GOLGA1: variants seen among roughly 807,000 people sequenced by gnomAD.
GOLGA1 encodes golgin A1.
GOLGA1 carries 63 observed loss-of-function variants against 119.7 expected under a neutral mutation model. That is an observed-to-expected ratio of 0.53 (90% CI 0.43 to 0.65). The LOEUF (loss-of-function observed/expected upper bound fraction) is 0.65, where lower values mean the gene tolerates loss of function less well. GOLGA1 is among the 30% of genes least tolerant of loss of function. The pLI, the probability that GOLGA1 is intolerant of heterozygous loss-of-function variation, is 0.00. For synonymous variants in GOLGA1, 318 were observed against 333.4 expected (o/e 0.95, Z 0.50); for missense variants, 798 against 912.8 (o/e 0.87, Z 1.62).
chr9:124,889,578 G>A (rs776272901), intron 16 of GOLGA1, 42 bp from the exon 17 acceptor site: 2 of 1,252,128 alleles, frequency 1.6e-6, no homozygotes, highest in Non-Finnish European at 2.4e-6. Context: ...TGTGAGCAGT[G>A]ACTCCATCTT....
At chr9:124,914,174 A>G (rs559688951) in intron 10 of GOLGA1, among the ~76,000 whole-genome samples, 3 of 152,244 alleles carry the variant, frequency 2.0e-5, no homozygotes, top group Non-Finnish European at 4.4e-5. Flanking sequence ...AGAAGCAGCT[A>G]TAACAAGATT....
rs773908967 is a variant in GOLGA1 at position 124,921,123 on chromosome 9, A to T, written c.843+6T>A. ...AATCCAGGTCTTCTCCTCATATTCT[A>T]CTTACCTTTTGCAAATCAATGGAAA... On this transcript the variant is annotated splice_donor_region_variant and intron_variant, in intron 10 of 22. Transcript: ENST00000373555. 5 of 1,511,384 alleles carry T rather than the reference A, an allele frequency of 3.3e-6. No homozygotes were observed. In the South Asian group the frequency reaches 5.6e-5, roughly 17 times the overall value. 93.6% of individuals were successfully genotyped at this position (1,511,384 alleles called of 1,614,324 possible). A position where few individuals can be genotyped will look rare whatever the true frequency, so the allele number is the denominator to read the frequency against.
chr9:124,904,094 A>T (rs1315833863), intron 12 of GOLGA1, among the ~76,000 whole-genome samples: 1 of 94,844 alleles, frequency 1.1e-5, no homozygotes, highest in African/African-American at 3.2e-5. Flanking sequence ...AAATTCTGTT[A>T]AAAAAAAAAA....
chr9:124,933,150 C>G (rs1238971687), intron 3 of GOLGA1, among the ~76,000 whole-genome samples: 3 of 152,160 alleles, frequency 2.0e-5, no homozygotes, highest in Non-Finnish European at 2.9e-5. Flanking sequence ...ACAGCAGCAG[C>G]AGCAACAGAA....
chr9:124,882,057 G>T, intron 20 of GOLGA1, 103 bp from the exon 21 acceptor site: 2 of 815,262 alleles, frequency 2.5e-6, no homozygotes, highest in Non-Finnish European at 3.9e-6. Flanking sequence ...CTATCGTAGG[G>T]CAAAAAGGGC....
At chr9:124,941,197 G>A (rs1385155282), upstream of GOLGA1, 1 of 152,270 alleles carries the variant, frequency 6.6e-6, no homozygotes, top group Non-Finnish European at 1.5e-5. Context: ...TCTGAGCGGC[G>A]ACTGGGCCGG....
rs557365047 is a variant in GOLGA1, at chr9:124,888,576, C to T, written c.1762-180G>A. Among the ~76,000 whole-genome samples, 100 of 152,324 alleles carry T rather than the reference C, an allele frequency of 6.6e-4. No individual in the cohort carries two copies. Among genetic ancestry groups the T allele is most frequent in the African/African-American group, 2.3e-3 (95 of 41,566 alleles). ...TGCCCAATGCCCACAACTAATCACA[C>T]GACTAGTCTTTGCTGGGATGAAGGG... On this transcript the variant is annotated intron_variant, in intron 18 of 22. Transcript: ENST00000373555. The surrounding 1 kb of genome is among the most constrained non-coding windows in gnomAD (Gnocchi z 4.4).
intron 5 of GOLGA1, 80 bp downstream of exon 5, chr9:124,929,136 C>A (rs777394071): frequency 1.2e-6 from 1 of 807,418 alleles, no homozygotes; most frequent in Non-Finnish European, 2.1e-6. Context: ...TGAAGAAGGA[C>A]AAACTTAACC....
At chr9:124,915,216 GT>G (rs1206301511) in intron 10 of GOLGA1, among the ~76,000 whole-genome samples, 4 of 152,134 alleles carry the variant, frequency 2.6e-5, no homozygotes, top group African/African-American at 9.7e-5. Context: ...GACTCCAGCT[GT>G]ACGGTCTTGA....
chr9:124,923,809 T>C (rs1830617113), intron 7 of GOLGA1, among the ~76,000 whole-genome samples: 2 of 152,270 alleles, frequency 1.3e-5, no homozygotes, highest in South Asian at 4.1e-4. Flanking sequence ...AGTTCTTACA[T>C]CTGTTTAGCA....
chr9:124,881,735 C>G lies in GOLGA1; in HGVS notation c.2136+49G>C, dbSNP rs1317827664. ...TGGGCAGGGGTCCCTGCAGGACAGA[C>G]TGTAGGGCGGGGCCTCAATACCCAA... On this transcript the variant is annotated intron_variant, in intron 21 of 22. Coordinates refer to ENST00000373555, the MANE Select transcript of GOLGA1 (RefSeq NM_002077.4). The surrounding 1 kb of genome is among the most constrained non-coding windows in gnomAD (Gnocchi z 4.9). 4 of 1,327,816 alleles carry G rather than the reference C, an allele frequency of 3.0e-6. No individual in the cohort carries two copies. Among genetic ancestry groups the G allele is most frequent in the South Asian group, 2.6e-5 (2 of 76,964 alleles). 82.3% of individuals were successfully genotyped at this position (1,327,816 alleles called of 1,614,324 possible). A position where few individuals can be genotyped will look rare whatever the true frequency, so the allele number is the denominator to read the frequency against.
chr9:124,916,162 AAAGT>A (rs1246929044), intron 10 of GOLGA1, among the ~76,000 whole-genome samples: 1 of 151,372 alleles, frequency 6.6e-6, no homozygotes, highest in East Asian at 1.9e-4. Context: ...TAAAAAAAAA[AAAGT>A]AAGGTGAATT....
intron 11 of GOLGA1, among the ~76,000 whole-genome samples, chr9:124,909,608 C>CAAAAAAAAAAAAAAAAA (rs58372596): frequency 1.1e-5 from 1 of 87,286 alleles, no homozygotes; most frequent in Non-Finnish European, 2.3e-5. Context: ...GACTCCGTCT[C>CAAAAAAAAAAAAAAAAA]AAAAAAAAAA....
intron 8 of GOLGA1, 74 bp downstream of exon 8, chr9:124,923,021 G>C: frequency 1.1e-6 from 1 of 925,588 alleles, no homozygotes; most frequent in Non-Finnish European, 1.7e-6. Context: ...TCAGCAATTA[G>C]AGAGTGATGA....
intron 11 of GOLGA1, among the ~76,000 whole-genome samples, chr9:124,910,054 G>A (rs568497574): frequency 4.4e-4 from 67 of 152,204 alleles, no homozygotes; most frequent in African/African-American, 1.4e-3. Flanking sequence ...CTCAGCCTCC[G>A]GAGTAGCTTG....
At chr9:124,912,821 C>A (rs575630593) in intron 10 of GOLGA1, among the ~76,000 whole-genome samples, 46 of 152,184 alleles carry the variant, frequency 3.0e-4, no homozygotes, top group African/African-American at 9.7e-4. Flanking sequence ...GGATTACAGG[C>A]GTAAGCCACT....
intron 5 of GOLGA1, among the ~76,000 whole-genome samples, chr9:124,928,490 T>C (rs924123521): frequency 6.6e-6 from 1 of 152,208 alleles, no homozygotes; most frequent in Admixed American, 6.5e-5. Flanking sequence ...TTTGTTTCCT[T>C]ATCGTTTTTG....
At chr9:124,941,400 C>T (rs1359172667), upstream of GOLGA1, among the ~76,000 whole-genome samples, 2 of 152,196 alleles carry the variant, frequency 1.3e-5, no homozygotes, top group South Asian at 4.1e-4. Context: ...CCAGTCGGTG[C>T]CACAGGCCCC....
At position 124,928,248 on chromosome 9, in the gene GOLGA1, G is replaced by C; in HGVS notation, c.339C>G (p.Phe113Leu). The change falls in exon 6 of 23, where the codon TTC becomes TTG. Residue 113 changes from phenylalanine to leucine, a missense_variant. Phe to Leu is a conservative substitution (Grantham distance 22). Coordinates refer to ENST00000373555, the MANE Select transcript of GOLGA1 (RefSeq NM_002077.4). ...CTGCCATTTTGGCTCTGTTGGCTTG[G>C]AATGTCTCATTCTGCTCTTGAAATT... ...MRKFQEQNETFQANRAKMAEG... is the reference protein window; with the variant it reads ...MRKFQEQNETLQANRAKMAEG... The C allele has an allele frequency of 2.5e-6, 4 of 1,607,784 alleles. No homozygotes were observed. Among genetic ancestry groups the C allele is most frequent in the Non-Finnish European group, 1.7e-6 (2 of 1,174,940 alleles).
Sources: allele counts gnomAD v4.1 joint callset (sites outside exome capture counted in the v4.1 genomes callset), GRCh38; gene constraint gnomAD v4.1.1; non-coding constraint Gnocchi (gnomAD v3.1); transcripts MANE v1.5; gene names NCBI Gene and HGNC (gene_info 2026-07-23, HGNC 2026-07-21).